RBFOX1: variants seen among roughly 807,000 people sequenced by gnomAD.
RBFOX1 encodes the protein RNA binding protein fox-1 homolog 1.
RBFOX1 carries 8 observed loss-of-function variants against 57.7 expected under a neutral mutation model. That is an observed-to-expected ratio of 0.14 (90% CI 0.08 to 0.25). The LOEUF (loss-of-function observed/expected upper bound fraction) is 0.25. Ranked by LOEUF, RBFOX1 falls within the 10% of genes least tolerant of loss-of-function variation. The pLI is 1.00. For synonymous variants in RBFOX1, 326 were observed against 222.4 expected (o/e 1.47, Z -4.15); for missense variants, 611 against 548.5 (o/e 1.11, Z -1.14).
chr16:5,581,016 G>A (rs2046646816), intron 2 of RBFOX1, among the ~76,000 whole-genome samples: 1 of 152,192 alleles, frequency 6.6e-6, no homozygotes, highest in Non-Finnish European at 1.5e-5. Context: ...GGCTGTCAGT[G>A]TGCACAGACC....
In RBFOX1 at chr16:7,078,892, T is replaced by A. The variant is rs71374928; in HGVS notation, c.27+26794T>A. Among the ~76,000 whole-genome samples the A allele has an allele frequency of 8.7e-3, 1,089 of 125,602 alleles. 25 individuals carry two copies. The highest frequency in any genetic ancestry group is 0.032 in the African/African-American group (1,027 of 31,758). 82.4% of individuals were successfully genotyped at this position (125,602 alleles called of 152,430 possible). A position where few individuals can be genotyped will look rare whatever the true frequency, so the allele number is the denominator to read the frequency against. On this transcript the variant is annotated intron_variant, in intron 4 of 15. Coordinates refer to ENST00000550418, the MANE Select transcript of RBFOX1 (RefSeq NM_018723.4). ...TTTTTTTTTTTTTTTTTTTTTTTAG[T>A]GAAGATGGGGTTTTACCATGTTGTC...
intron 4 of RBFOX1, among the ~76,000 whole-genome samples, chr16:7,341,487 G>A (rs1035443738): frequency 5.9e-5 from 9 of 152,214 alleles, no homozygotes; most frequent in East Asian, 1.9e-4. Flanking sequence ...CATGCCATTC[G>A]CAGTAGAGTC....
At chr16:6,091,395 A>G (rs770604912) in intron 1 of RBFOX1, among the ~76,000 whole-genome samples, 6 of 152,132 alleles carry the variant, frequency 3.9e-5, no homozygotes, top group Non-Finnish European at 5.9e-5. Context: ...ACACACTCTT[A>G]TTTCTCTTTA....
chr16:7,221,574 C>T (rs567573217), intron 4 of RBFOX1, among the ~76,000 whole-genome samples: 65 of 152,072 alleles, frequency 4.3e-4, no homozygotes, highest in Non-Finnish European at 8.4e-4. Flanking sequence ...ACCATGTTGG[C>T]CAGGGTAGTC....
intron 1 of RBFOX1, among the ~76,000 whole-genome samples, chr16:6,257,051 CA>C (rs1483742795): frequency 6.6e-6 from 1 of 152,072 alleles, no homozygotes; most frequent in Non-Finnish European, 1.5e-5. Flanking sequence ...GCAGGAAGCA[CA>C]GGGGTCATTT....
chr16:5,360,282 G>A (rs932522981), intron 1 of RBFOX1, among the ~76,000 whole-genome samples: 16 of 152,230 alleles, frequency 1.1e-4, no homozygotes, highest in Non-Finnish European at 1.2e-4. Context: ...TTAGAGGATA[G>A]GCATCCTCCT....
chr16:5,424,378 C>T (rs541617375), intron 1 of RBFOX1, among the ~76,000 whole-genome samples: 1 of 152,280 alleles, frequency 6.6e-6, no homozygotes, highest in East Asian at 1.9e-4. Context: ...TGGGCGAGCT[C>T]CATCACCTTG....
intron 3 of RBFOX1, among the ~76,000 whole-genome samples, chr16:6,799,893 G>C (rs745398101): frequency 6.6e-6 from 1 of 152,106 alleles, no homozygotes; most frequent in African/African-American, 2.4e-5. Context: ...GTCATTACTG[G>C]CTTCCTTGCT....
intron 10 of RBFOX1, among the ~76,000 whole-genome samples, chr16:7,622,193 T>C (rs1319262171): frequency 1.3e-5 from 2 of 152,162 alleles, no homozygotes; most frequent in Non-Finnish European, 2.9e-5. Context: ...TTGGTATGAC[T>C]TGCAGTTTCA....
At chr16:6,353,587 G>A (rs992667399) in intron 2 of RBFOX1, among the ~76,000 whole-genome samples, 2 of 152,208 alleles carry the variant, frequency 1.3e-5, no homozygotes, top group Middle Eastern at 3.4e-3. Context: ...AAGCCCAAAT[G>A]CATTGCTTGT....
At chr16:5,440,404 G>C (rs912840837) in intron 1 of RBFOX1, among the ~76,000 whole-genome samples, 3 of 152,224 alleles carry the variant, frequency 2.0e-5, no homozygotes, top group African/African-American at 7.2e-5. Flanking sequence ...TAAAGCTATG[G>C]GTTATCTTTT....
intron 2 of RBFOX1, among the ~76,000 whole-genome samples, chr16:6,647,227 G>A (rs1236559074): frequency 6.6e-6 from 1 of 152,044 alleles, no homozygotes. Context: ...CTTCTTAAAA[G>A]GATACTAATT....
chr16:5,828,187 G>A (rs754934340), intron 3 of RBFOX1, among the ~76,000 whole-genome samples: 19 of 151,374 alleles, frequency 1.3e-4, no homozygotes, highest in Non-Finnish European at 2.8e-4. Context: ...ATCCTTCCAT[G>A]TATCTGTCCG....
chr16:6,205,863 CTTTTTTTT>C (rs34261182), intron 1 of RBFOX1, among the ~76,000 whole-genome samples: 2 of 97,886 alleles, frequency 2.0e-5, no homozygotes, highest in South Asian at 7.1e-4. Context: ...CGAGATCATA[CTTTTTTTT>C]TTTTTTTTTT....
At chr16:5,620,132 T>G (rs747144598) in intron 3 of RBFOX1, among the ~76,000 whole-genome samples, 5 of 152,140 alleles carry the variant, frequency 3.3e-5, no homozygotes, top group Non-Finnish European at 7.3e-5. Context: ...CAGGTGGCAA[T>G]GTTTCTGAGT....
chr16:6,791,820 C>G (rs1437164072), intron 3 of RBFOX1, among the ~76,000 whole-genome samples: 2 of 152,132 alleles, frequency 1.3e-5, no homozygotes, highest in Non-Finnish European at 2.9e-5. Flanking sequence ...TGTACACAGT[C>G]ATACCTCCAG....
intron 3 of RBFOX1, among the ~76,000 whole-genome samples, chr16:6,779,747 AT>A (rs1275486439): frequency 8.6e-5 from 3 of 34,988 alleles, no homozygotes; most frequent in Non-Finnish European, 1.2e-4. Flanking sequence ...ATATTTTTAT[AT>A]ATACTTTTAT....
intron 2 of RBFOX1, among the ~76,000 whole-genome samples, chr16:5,555,285 C>G (rs1165304479): frequency 6.6e-6 from 1 of 152,106 alleles, no homozygotes; most frequent in East Asian, 1.9e-4. Flanking sequence ...TGGAGTCTCA[C>G]TCTTGTTGCT....
intron 2 of RBFOX1, among the ~76,000 whole-genome samples, chr16:6,389,766 G>A: frequency 6.6e-6 from 1 of 152,106 alleles, no homozygotes; most frequent in Non-Finnish European, 1.5e-5. Context: ...AGAGGTTCAG[G>A]GACTCAAAGA....
Sources: allele counts gnomAD v4.1 joint callset (sites outside exome capture counted in the v4.1 genomes callset), GRCh38; gene constraint gnomAD v4.1.1; transcripts MANE v1.5; gene names NCBI Gene and HGNC (gene_info 2026-07-23, HGNC 2026-07-21).